The following MEIS1 variants were observed in gnomAD, a reference collection of about 807,000 sequenced individuals.
MEIS1 encodes homeobox protein Meis1.
A neutral mutation model predicts 50.8 loss-of-function variants in MEIS1; 5 were observed. The ratio of observed to expected loss-of-function variants is 0.10; its 90% CI spans 0.05 to 0.21. The LOEUF is 0.21. MEIS1 is among the 10% of genes least tolerant of loss of function. The probability of loss-of-function intolerance (pLI) is 1.00; values close to 1 mark genes in which losing one functional copy is unlikely to be tolerated. For synonymous variants in MEIS1, 176 were observed against 179.3 expected, an observed-to-expected ratio of 0.98 and a Z score of 0.15; for missense variants, 318 against 517.3, an observed-to-expected ratio of 0.61 and a Z score of 3.74.
intron 7 of MEIS1, among the ~76,000 whole-genome samples, chr2:66,488,066 A>G (rs1673184112): frequency 6.6e-6 from 1 of 152,222 alleles, no homozygotes; most frequent in Non-Finnish European, 1.5e-5. Flanking sequence ...ATATGGCTGA[A>G]AAGTTCCAAA....
intron 7 of MEIS1, among the ~76,000 whole-genome samples, chr2:66,494,751 T>C (rs1006602345): frequency 6.6e-6 from 1 of 152,158 alleles, no homozygotes; most frequent in African/African-American, 2.4e-5. Flanking sequence ...AACACCCCTT[T>C]GAATTAGCCA....
intron 7 of MEIS1, among the ~76,000 whole-genome samples, chr2:66,485,745 A>G (rs1163790117): frequency 6.6e-6 from 1 of 152,166 alleles, no homozygotes; most frequent in African/African-American, 2.4e-5. Flanking sequence ...ATTTCTCTAC[A>G]TCCTCTCCAG....
intron 6 of MEIS1, among the ~76,000 whole-genome samples, chr2:66,449,578 C>T (rs190109941): frequency 6.6e-6 from 1 of 151,984 alleles, no homozygotes; most frequent in East Asian, 1.9e-4. Flanking sequence ...CTACATTGGC[C>T]AATTGCTGGA....
At chr2:66,521,493 CAAAGAAGGCTGCT>C (rs1269340903) in intron 8 of MEIS1, among the ~76,000 whole-genome samples, 3 of 152,128 alleles carry the variant, frequency 2.0e-5, no homozygotes, top group Non-Finnish European at 4.4e-5. Flanking sequence ...CGTTTCTCAG[CAAAGAAGGCTGCT>C]AAACCCAGGA....
At position 66,443,253 on chromosome 2, in the gene MEIS1, C is replaced by T. The variant is rs939130654; in HGVS notation, c.630+205C>T. On this transcript the variant is annotated intron_variant, in intron 6 of 12. Coordinates refer to ENST00000272369, the MANE Select transcript of MEIS1 (RefSeq NM_002398.3). Reference sequence around the variant, plus strand: ...CTGGGATTCGACCTGAAGAGATGAGCTTGTAAAAGCTTTGCTAGCAAACTT... The same window carrying T: ...CTGGGATTCGACCTGAAGAGATGAGTTTGTAAAAGCTTTGCTAGCAAACTT... The T allele has an allele frequency of 5.6e-6, 3 of 535,252 alleles. No homozygotes were observed. The African/African-American group carries it at 6.0e-5, about 11-fold the overall frequency. The allele number at this position is 535,252 out of a possible 1,614,324, so 33.2% of individuals were successfully genotyped here.
intron 8 of MEIS1, among the ~76,000 whole-genome samples, chr2:66,535,361 T>C (rs1674492893): frequency 6.6e-6 from 1 of 152,044 alleles, no homozygotes; most frequent in Non-Finnish European, 1.5e-5. Flanking sequence ...ATATAAGGGA[T>C]CACCCTTCTC....
intron 8 of MEIS1, among the ~76,000 whole-genome samples, chr2:66,518,356 T>A (rs548249368): frequency 8.5e-5 from 13 of 152,246 alleles, no homozygotes; most frequent in Non-Finnish European, 1.6e-4. Context: ...TTGTAGAGTC[T>A]GGCTGGCAAT....
In MEIS1 at chr2:66,519,934, A is replaced by G. The variant is rs138531880; in HGVS notation, c.888+7640A>G. Among the ~76,000 whole-genome samples, 447 of 152,176 alleles carry G rather than the reference A, an allele frequency of 2.9e-3. 2 individuals are homozygous for G. The highest frequency in any genetic ancestry group is 3.9e-3 in the Non-Finnish European group (264 of 68,002). The stretch of plus-strand genomic sequence containing the variant: ...TTTGCATTTCATTTCTTAATAATCT[A>G]TGGTCAGTTTTTATCTGTTTCCACA... On this transcript the variant is annotated intron_variant, in intron 8 of 12. Coordinates refer to ENST00000272369, the MANE Select transcript of MEIS1 (RefSeq NM_002398.3).
At chr2:66,462,303 G>A (rs925429154) in intron 6 of MEIS1, among the ~76,000 whole-genome samples, 1 of 152,128 alleles carries the variant, frequency 6.6e-6, no homozygotes, top group African/African-American at 2.4e-5. Context: ...CAATAGTAGT[G>A]AGGGACAACA....
intron 8 of MEIS1, among the ~76,000 whole-genome samples, chr2:66,543,447 T>C (rs1481695700): frequency 1.3e-5 from 2 of 152,202 alleles, no homozygotes; most frequent in African/African-American, 4.8e-5. Flanking sequence ...TCCCTTTCGC[T>C]GGGGTTCCAC....
intron 4 of MEIS1, chr2:66,440,933 TC>T (rs1471280929): frequency 2.4e-6 from 1 of 416,340 alleles, no homozygotes; most frequent in Non-Finnish European, 4.2e-6. Flanking sequence ...TTTGCGGACT[TC>T]CTAGCCCTCT....
At chr2:66,498,491 T>C (rs973939896) in intron 7 of MEIS1, among the ~76,000 whole-genome samples, 1 of 152,146 alleles carries the variant, frequency 6.6e-6, no homozygotes, top group African/African-American at 2.4e-5. Context: ...TGAGGTATTA[T>C]ACAGGTTGAG....
intron 9 of MEIS1, among the ~76,000 whole-genome samples, chr2:66,562,832 A>G (rs779181814): frequency 2.6e-5 from 4 of 152,168 alleles, no homozygotes; most frequent in African/African-American, 4.8e-5. Flanking sequence ...GTCTTCCACC[A>G]CCTGCAGGGA....
intron 6 of MEIS1, among the ~76,000 whole-genome samples, chr2:66,462,125 C>T (rs1346391872): frequency 1.3e-5 from 2 of 152,198 alleles, no homozygotes; most frequent in African/African-American, 4.8e-5. Context: ...TAAAGGAGGA[C>T]AGCTTCCTGT....
At chr2:66,564,527 G>A (rs1178608704) in intron 9 of MEIS1, among the ~76,000 whole-genome samples, 1 of 152,112 alleles carries the variant, frequency 6.6e-6, no homozygotes, top group African/African-American at 2.4e-5. Flanking sequence ...ATCCTAGAAG[G>A]ACTCACATTC....
chr2:66,505,334 A>G (rs1673661213), intron 7 of MEIS1, among the ~76,000 whole-genome samples: 1 of 152,198 alleles, frequency 6.6e-6, no homozygotes, highest in Non-Finnish European at 1.5e-5. Flanking sequence ...TGAGCCCAGG[A>G]GTTTGAGGTT....
At chr2:66,507,308 A>G (rs1301008591) in intron 7 of MEIS1, among the ~76,000 whole-genome samples, 1 of 152,092 alleles carries the variant, frequency 6.6e-6, no homozygotes, top group Non-Finnish European at 1.5e-5. Context: ...GAGAAAAGTA[A>G]AGTTTAAAGA....
At chr2:66,447,163 C>G (rs1011367847) in intron 6 of MEIS1, among the ~76,000 whole-genome samples, 1 of 152,168 alleles carries the variant, frequency 6.6e-6, no homozygotes, top group Admixed American at 6.5e-5. Flanking sequence ...CGAATATTTA[C>G]GAATACTAGA....
intron 7 of MEIS1, among the ~76,000 whole-genome samples, chr2:66,468,550 C>T (rs1173458611): frequency 6.6e-6 from 1 of 152,206 alleles, no homozygotes; most frequent in East Asian, 1.9e-4. Flanking sequence ...GATAAGGAGA[C>T]TTGTCCAAGG....
Sources: gnomAD v4.1 joint callset for allele counts (sites outside exome capture counted in the v4.1 genomes callset) on GRCh38, gnomAD v4.1.1 for gene constraint, MANE v1.5 for transcripts, NCBI Gene and HGNC (gene_info 2026-07-23, HGNC 2026-07-21) for gene names.